Variants in DCDC2 observed in about 807,000 individuals in gnomAD.
DCDC2 encodes doublecortin domain containing 2, also known as doublecortin domain-containing protein 2.
In DCDC2, 40 loss-of-function variants were observed where a neutral mutation model predicts 50.2. That is an observed-to-expected ratio of 0.80 (90% CI 0.62 to 1.04). The LOEUF (loss-of-function observed/expected upper bound fraction) is 1.04. DCDC2 is among the 50% of genes least tolerant of loss of function. The pLI, the probability that DCDC2 is intolerant of heterozygous loss-of-function variation, is 0.00. For missense variants in DCDC2, 570 were observed against 581.9 expected, an observed-to-expected ratio of 0.98 and a Z score of 0.21; for synonymous variants, 234 against 210.6, an observed-to-expected ratio of 1.11 and a Z score of -0.96.
At chr6:24,230,582 T>C (rs1432655811) in intron 7 of DCDC2, among the ~76,000 whole-genome samples, 3 of 152,122 alleles carry the variant, frequency 2.0e-5, no homozygotes, top group African/African-American at 7.2e-5. Flanking sequence ...AGTTCGAGGC[T>C]GCAGTGAGCT....
chr6:24,356,858 GAGAC>G (rs1760478016), intron 1 of DCDC2: 1 of 152,242 alleles, frequency 6.6e-6, no homozygotes, highest in Non-Finnish European at 1.5e-5. Flanking sequence ...CACGTTGCTG[GAGAC>G]AGACAGTCGA....
intron 8 of DCDC2, among the ~76,000 whole-genome samples, chr6:24,197,320 G>T (rs1468771767): frequency 6.6e-6 from 1 of 152,182 alleles, no homozygotes; most frequent in Non-Finnish European, 1.5e-5. Context: ...ATATCTCACA[G>T]ATTTGCAAGT....
At chr6:24,233,385 T>C (rs1762377148) in intron 7 of DCDC2, among the ~76,000 whole-genome samples, 1 of 152,230 alleles carries the variant, frequency 6.6e-6, no homozygotes, top group South Asian at 2.1e-4. Flanking sequence ...TGCCCAACAC[T>C]TATCATCTGT....
intron 2 of DCDC2, 36 bp from the exon 3 acceptor site, chr6:24,302,080 A>T: frequency 1.9e-6 from 3 of 1,538,944 alleles, no homozygotes; most frequent in Non-Finnish European, 2.7e-6. Context: ...TAAACCACTA[A>T]GCTTATATTA....
At chr6:24,268,654 C>T (rs1397633859) in intron 7 of DCDC2, among the ~76,000 whole-genome samples, 5 of 152,096 alleles carry the variant, frequency 3.3e-5, no homozygotes, top group African/African-American at 1.2e-4. Context: ...TCACTGCAAC[C>T]CCTGCCTCCT....
intron 8 of DCDC2, among the ~76,000 whole-genome samples, chr6:24,189,154 A>C (rs930882587): frequency 2.0e-5 from 3 of 152,038 alleles, no homozygotes; most frequent in Non-Finnish European, 4.4e-5. Flanking sequence ...CTTGCTATTT[A>C]TTTTGTAACT....
chr6:24,234,051 G>T (rs536559281), intron 7 of DCDC2, among the ~76,000 whole-genome samples: 1 of 151,722 alleles, frequency 6.6e-6, no homozygotes, highest in African/African-American at 2.4e-5. Flanking sequence ...TATGCACAAT[G>T]ACATAAAGAT....
chr6:24,240,060 A>T (rs1383732405), intron 7 of DCDC2, among the ~76,000 whole-genome samples: 3 of 152,226 alleles, frequency 2.0e-5, no homozygotes, highest in Non-Finnish European at 4.4e-5. Flanking sequence ...GAGGCAGGCA[A>T]TGTAATATAG....
intron 4 of DCDC2, among the ~76,000 whole-genome samples, chr6:24,299,309 T>C (rs565172224): frequency 4.9e-4 from 74 of 152,152 alleles, no homozygotes; most frequent in Non-Finnish European, 9.6e-4. Context: ...GACATAAAAA[T>C]AGGAACAGTA....
intron 2 of DCDC2, among the ~76,000 whole-genome samples, chr6:24,340,348 C>T (rs1023862283): frequency 4.6e-5 from 7 of 152,002 alleles, no homozygotes; most frequent in Non-Finnish European, 8.8e-5. Flanking sequence ...AGAAATAACA[C>T]AAGGGAATAG....
At chr6:24,366,896 G>A in the DCDC2 span, among the ~76,000 whole-genome samples, 2 of 150,914 alleles carry the variant, frequency 1.3e-5, no homozygotes, top group African/African-American at 4.9e-5. Flanking sequence ...CACCCAGGTT[G>A]TGGCATGATC....
chr6:24,263,754 G>A (rs569977850), intron 7 of DCDC2, among the ~76,000 whole-genome samples: 6 of 152,212 alleles, frequency 3.9e-5, no homozygotes, highest in African/African-American at 1.2e-4. Context: ...CCGCTAAAGG[G>A]CAAATCTAAG....
intron 8 of DCDC2, among the ~76,000 whole-genome samples, chr6:24,179,895 A>G (rs1274294579): frequency 2.3e-5 from 3 of 130,668 alleles, no homozygotes; most frequent in Non-Finnish European, 3.1e-5. Flanking sequence ...CAGAGCTTGC[A>G]GTGAGCCCAG....
intron 8 of DCDC2, 68 bp downstream of exon 8, chr6:24,204,934 A>G: frequency 1.4e-6 from 2 of 1,443,256 alleles, no homozygotes; most frequent in Non-Finnish European, 1.9e-6. Flanking sequence ...TTTGTAGGAG[A>G]TAACACAAAA....
chr6:24,265,796 A>G (rs1763106806), intron 7 of DCDC2, among the ~76,000 whole-genome samples: 2 of 152,084 alleles, frequency 1.3e-5, no homozygotes, highest in African/African-American at 2.4e-5. Flanking sequence ...AAGTGCCTAC[A>G]TCAAAAAAGT....
chr6:24,304,298 C>T (rs560132736), intron 2 of DCDC2, among the ~76,000 whole-genome samples: 410 of 152,272 alleles, frequency 2.7e-3, no homozygotes, highest in Non-Finnish European at 4.4e-3. Flanking sequence ...GCCTGGCCAA[C>T]ATGGTGAAAC....
intron 4 of DCDC2, 61 bp downstream of exon 4, chr6:24,301,654 C>T (rs1488922487): frequency 1.9e-6 from 3 of 1,593,386 alleles, no homozygotes; most frequent in African/African-American, 2.7e-5. Flanking sequence ...ACTCCGGAGC[C>T]TCCTGAGAAT....
At chr6:24,332,246 A>T (rs1759980976) in intron 2 of DCDC2, among the ~76,000 whole-genome samples, 1 of 143,864 alleles carries the variant, frequency 7.0e-6, no homozygotes, top group Non-Finnish European at 1.5e-5. Flanking sequence ...CCGGGATATG[A>T]CTTCGGACTG....
At chr6:24,302,551 C>T (rs917221996) in intron 2 of DCDC2, among the ~76,000 whole-genome samples, 3 of 152,072 alleles carry the variant, frequency 2.0e-5, no homozygotes, top group Non-Finnish European at 4.4e-5. Context: ...TCCCAGGTTT[C>T]ACTTTCTCCC....
Sources: allele counts gnomAD v4.1 joint callset (sites outside exome capture counted in the v4.1 genomes callset), GRCh38; gene constraint gnomAD v4.1.1; transcripts MANE v1.5; gene names NCBI Gene and HGNC (gene_info 2026-07-23, HGNC 2026-07-21).